Variants in MGMT observed in about 807,000 individuals in gnomAD.
MGMT encodes the protein O-6-methylguanine-DNA methyltransferase.
Under a neutral mutation model 15.9 loss-of-function variants are expected in MGMT, and 14 were observed. The ratio of observed to expected loss-of-function variants is 0.88; its 90% CI spans 0.58 to 1.37. The LOEUF (loss-of-function observed/expected upper bound fraction) is 1.37, where lower values mean the gene tolerates loss of function less well. MGMT is among the 40% of genes most tolerant of loss of function. The pLI is 0.00. For missense variants in MGMT, 282 were observed against 268.1 expected (o/e 1.05, Z -0.36); for synonymous variants, 130 against 118.2 (o/e 1.10, Z -0.65).
intron 2 of MGMT, among the ~76,000 whole-genome samples, chr10:129,626,609 C>A (rs1011803229): frequency 3.3e-5 from 5 of 152,096 alleles, no homozygotes; most frequent in Non-Finnish European, 7.4e-5. Context: ...TTGGGAGGAT[C>A]CCCTTGGCTG....
intron 2 of MGMT, among the ~76,000 whole-genome samples, chr10:129,596,535 C>T (rs1197826913): frequency 2.0e-5 from 3 of 152,110 alleles, no homozygotes; most frequent in Non-Finnish European, 4.4e-5. Flanking sequence ...CGAGGAAGTT[C>T]CTGCAAGCAG....
intron 2 of MGMT, among the ~76,000 whole-genome samples, chr10:129,582,869 ATTTC>A (rs1440308604): frequency 3.9e-5 from 6 of 152,252 alleles, no homozygotes; most frequent in East Asian, 3.9e-4. Context: ...AGAAAGAATT[ATTTC>A]TTTTTTAGAG....
intron 1 of MGMT, among the ~76,000 whole-genome samples, chr10:129,468,044 G>A (rs943288610): frequency 3.9e-5 from 6 of 152,198 alleles, no homozygotes; most frequent in Non-Finnish European, 4.4e-5. Context: ...ATCATCATCA[G>A]ACAGGGAAGC....
In MGMT at chr10:129,547,462, C is replaced by G. The variant is rs1254887785; in HGVS notation, c.125+11085C>G. Reference sequence around the variant, plus strand: ...TATGGACTGTATGACTTCAGTACACCTGCAGATTCATGGAGTGGTTCTGGA... The same window carrying G: ...TATGGACTGTATGACTTCAGTACACGTGCAGATTCATGGAGTGGTTCTGGA... On this transcript the variant is annotated intron_variant, in intron 2 of 4. Transcript: ENST00000651593. Among the ~76,000 whole-genome samples, 9 of 152,154 alleles carry G rather than the reference C, an allele frequency of 5.9e-5. No individual in the cohort carries two copies. In the South Asian group the frequency reaches 8.3e-4, roughly 14 times the overall value.
At chr10:129,634,134 A>G (rs912191305) in intron 2 of MGMT, among the ~76,000 whole-genome samples, 3 of 152,170 alleles carry the variant, frequency 2.0e-5, no homozygotes, top group Non-Finnish European at 4.4e-5. Flanking sequence ...CTAGATTGAC[A>G]GGGTTTTTTT....
chr10:129,624,900 T>G (rs1338819186), intron 2 of MGMT, among the ~76,000 whole-genome samples: 1 of 151,914 alleles, frequency 6.6e-6, no homozygotes, highest in Admixed American at 6.6e-5. Flanking sequence ...TTAAGAAAAG[T>G]AGGAAGGAAC....
Position 129,592,549 on chromosome 10 carries a change from G to A in MGMT, c.125+56172G>A, listed in dbSNP as rs1405798575. Among the ~76,000 whole-genome samples, 5 of 152,224 alleles carry A rather than the reference G, an allele frequency of 3.3e-5. No homozygotes were observed. The East Asian group carries it at 9.6e-4, about 29-fold the overall frequency. ...GGATTTTAATGGAACCGTGCAGACA[G>A]TTGATTCGGAAGGCTTCAGGGTCCA... On this transcript the variant is annotated intron_variant, in intron 2 of 4. Transcript: ENST00000651593.
chr10:129,658,148 A>T (rs964018870), intron 2 of MGMT, among the ~76,000 whole-genome samples: 1 of 152,052 alleles, frequency 6.6e-6, no homozygotes, highest in Non-Finnish European at 1.5e-5. Flanking sequence ...CCTTCTATGA[A>T]TCCCAAGTAA....
intron 2 of MGMT, among the ~76,000 whole-genome samples, chr10:129,678,527 G>A (rs934259130): frequency 6.6e-6 from 1 of 151,292 alleles, no homozygotes; most frequent in Admixed American, 6.6e-5. Context: ...GTTACCTCAG[G>A]CAGCAGGAAA....
chr10:129,690,852 G>C lies in MGMT; in HGVS notation c.126-17043G>C, dbSNP rs546473283. 3.9e-5 allele frequency among the ~76,000 whole-genome samples: 6 copies of C among 152,306 alleles called. No individual in the cohort carries two copies. In the South Asian group the frequency reaches 1.2e-3, roughly 32 times the overall value. ...GACTGCAGGGCTGTGCCCAGCACTG[G>C]ATGCAGAGTTTGGATCTGATTCTGA... On this transcript the variant is annotated intron_variant, in intron 2 of 4. Coordinates refer to ENST00000651593, the MANE Select transcript of MGMT (RefSeq NM_002412.5).
intron 2 of MGMT, among the ~76,000 whole-genome samples, chr10:129,668,619 T>C (rs966564757): frequency 3.3e-5 from 5 of 152,222 alleles, no homozygotes; most frequent in Admixed American, 3.3e-4. Context: ...TCTCCCACCA[T>C]ACCGCACTAC....
At chr10:129,657,189 C>T (rs759060843) in intron 2 of MGMT, among the ~76,000 whole-genome samples, 6 of 152,244 alleles carry the variant, frequency 3.9e-5, no homozygotes, top group African/African-American at 9.6e-5. Context: ...TTGACACAGA[C>T]GACTGTCCCT....
At chr10:129,472,879 A>G (rs1401171489) in intron 1 of MGMT, among the ~76,000 whole-genome samples, 1 of 152,192 alleles carries the variant, frequency 6.6e-6, no homozygotes, top group Non-Finnish European at 1.5e-5. Flanking sequence ...CTATTCATTT[A>G]CTAGGTCCCT....
chr10:129,671,635 T>C (rs1270308757), intron 2 of MGMT, among the ~76,000 whole-genome samples: 1 of 152,188 alleles, frequency 6.6e-6, no homozygotes, highest in Non-Finnish European at 1.5e-5. Flanking sequence ...ATGGAGAAGA[T>C]GTTAGTAAGG....
chr10:129,646,754 A>ATATATATATATATATATATTTTTTTTTT, intron 2 of MGMT, among the ~76,000 whole-genome samples: 5 of 86,670 alleles, frequency 5.8e-5, no homozygotes, highest in South Asian at 3.4e-4. Flanking sequence ...ATATATATAT[A>ATATATATATATATATATATTTTTTTTTT]TTTTCAGGGA....
At chr10:129,702,161 C>T (rs770412748) in intron 2 of MGMT, 10 of 152,236 alleles carry the variant, frequency 6.6e-5, no homozygotes, top group Non-Finnish European at 8.8e-5. Context: ...TGCCGCAGCC[C>T]CGGGAGCTTC....
chr10:129,531,793 G>T (rs1200758648), intron 1 of MGMT, among the ~76,000 whole-genome samples: 1 of 143,128 alleles, frequency 7.0e-6, no homozygotes, highest in African/African-American at 2.5e-5. Flanking sequence ...GGTGGGGGGG[G>T]GTGGGGGTTT....
In MGMT at chr10:129,653,689, C is replaced by T. The variant is rs557183832; in HGVS notation, c.126-54206C>T. Among the ~76,000 whole-genome samples the T allele has an allele frequency of 6.0e-4, 92 of 152,358 alleles. 3 individuals carry two copies. In the South Asian group the frequency reaches 0.019, roughly 31 times the overall value. ...AGATTACATCATGTGATGGCCAATGCTTCTGCTAAACAAGAGGCAGGGAGC... is the reference window on the plus strand; with the variant it reads ...AGATTACATCATGTGATGGCCAATGTTTCTGCTAAACAAGAGGCAGGGAGC... On this transcript the variant is annotated intron_variant, in intron 2 of 4. Coordinates refer to ENST00000651593, the MANE Select transcript of MGMT (RefSeq NM_002412.5).
At chr10:129,749,526 G>A (rs567228203) in intron 3 of MGMT, among the ~76,000 whole-genome samples, 2 of 152,014 alleles carry the variant, frequency 1.3e-5, no homozygotes, top group South Asian at 2.1e-4. Context: ...TTCACCTATC[G>A]AACAACATTT....
Sources: allele counts gnomAD v4.1 joint callset (sites outside exome capture counted in the v4.1 genomes callset), GRCh38; gene constraint gnomAD v4.1.1; transcripts MANE v1.5; gene names NCBI Gene and HGNC (gene_info 2026-07-23, HGNC 2026-07-21).